The following ABI3BP variants were observed in gnomAD, a reference collection of about 807,000 sequenced individuals.
ABI3BP encodes the protein target of Nesh-SH3.
Under a neutral mutation model 268.6 loss-of-function variants are expected in ABI3BP, and 216 were observed. The ratio of observed to expected loss-of-function variants is 0.80; its 90% CI spans 0.72 to 0.90. The LOEUF is 0.90. ABI3BP is among the 40% of genes least tolerant of loss of function. The probability of loss-of-function intolerance (pLI) is 0.00; values close to 1 mark genes in which losing one functional copy is unlikely to be tolerated. For missense variants in ABI3BP, 2,090 were observed against 2,182.4 expected, an observed-to-expected ratio of 0.96 and a Z score of 0.84; for synonymous variants, 730 against 730.0, an observed-to-expected ratio of 1.00 and a Z score of 0.00.
At chr3:100,843,029 C>G (rs1463536299) in intron 20 of ABI3BP, among the ~76,000 whole-genome samples, 1 of 152,074 alleles carries the variant, frequency 6.6e-6, no homozygotes, top group Admixed American at 6.6e-5. Context: ...GGGAGTGTGG[C>G]AGGTTTTGAG....
At chr3:100,773,340 A>T (rs974159163) in intron 61 of ABI3BP, among the ~76,000 whole-genome samples, 1 of 152,222 alleles carries the variant, frequency 6.6e-6, no homozygotes, top group African/African-American at 2.4e-5. Context: ...AAAGATATAT[A>T]GATGGCAAAT....
In ABI3BP at chr3:100,823,323, C is replaced by G; in HGVS notation, c.2803+135G>C. ...GCATGACTGCTTCTCTTAAAAACAA[C>G]AGTTAAGAGTCTTATAATTTCAAGA... On this transcript the variant is annotated intron_variant, in intron 37 of 67. Transcript: ENST00000471714. 1.1e-5 allele frequency: 8 copies of G among 698,820 alleles called. No individual in the cohort carries two copies. In the South Asian group the frequency reaches 2.0e-4, roughly 18 times the overall value. 43.3% of individuals were successfully genotyped at this position (698,820 alleles called of 1,614,324 possible).
chr3:100,784,846 A>AT (rs1168265579), intron 57 of ABI3BP, among the ~76,000 whole-genome samples: 7 of 152,196 alleles, frequency 4.6e-5, no homozygotes, highest in African/African-American at 1.7e-4. Context: ...ACACAAAGGC[A>AT]TACAGAGTGA....
intron 1 of ABI3BP, among the ~76,000 whole-genome samples, chr3:100,980,745 TCA>T (rs2088945251): frequency 1.3e-5 from 2 of 152,192 alleles, no homozygotes; most frequent in Admixed American, 1.3e-4. Context: ...TGTGATCTAG[TCA>T]CCAATTACAG....
chr3:100,784,940 A>G (rs1265497561), intron 57 of ABI3BP, among the ~76,000 whole-genome samples: 1 of 152,196 alleles, frequency 6.6e-6, no homozygotes, highest in East Asian at 1.9e-4. Context: ...TACAGTGTAC[A>G]CTACTCAGGT....
rs777752364 is a variant in ABI3BP at position 100,754,643 on chromosome 3, G to C, written c.4899C>G (p.Val1633=). The change falls in exon 64 of 68, where the codon GTC becomes GTG. Residue 1633 remains valine (V), a synonymous_variant. Coordinates refer to ENST00000471714, the MANE Select transcript of ABI3BP (RefSeq NM_001375547.2). ...KPKNPLGEGP[V]SNTVAFSTES... ...CAGTACTGAATGCCACTGTGTTGCT[G>C]ACCGGGCCTTCACCAAGCGGGTTTT... 2.3e-5 allele frequency: 36 copies of C among 1,591,812 alleles called. No homozygotes were observed. The highest frequency in any genetic ancestry group is 3.1e-5 in the Non-Finnish European group (36 of 1,168,118).
intron 51 of ABI3BP, among the ~76,000 whole-genome samples, chr3:100,804,499 T>G (rs982287194): frequency 6.6e-6 from 1 of 152,196 alleles, no homozygotes; most frequent in African/African-American, 2.4e-5. Context: ...TATTTGAGCA[T>G]AGCGTAGAAT....
intron 56 of ABI3BP, among the ~76,000 whole-genome samples, chr3:100,788,997 A>G (rs1252668355): frequency 6.6e-6 from 1 of 152,116 alleles, no homozygotes; most frequent in African/African-American, 2.4e-5. Flanking sequence ...TTCCCAATAT[A>G]TAACTATTTT....
At chr3:100,768,641 T>C (rs1442687187) in intron 62 of ABI3BP, among the ~76,000 whole-genome samples, 2 of 152,252 alleles carry the variant, frequency 1.3e-5, no homozygotes, top group Non-Finnish European at 2.9e-5. Context: ...ATTTCTAGTT[T>C]ATGCGGCATA....
chr3:100,864,485 GCA>G lies in ABI3BP; in HGVS notation c.1063+346_1063+347del, dbSNP rs1462928470. On this transcript the variant is annotated intron_variant, in intron 11 of 67. Coordinates refer to ENST00000471714, the MANE Select transcript of ABI3BP (RefSeq NM_001375547.2). ...TTCCCAAAGCCACTCTAAGCAGAAA[GCA>G]CAGAGTCAAGACTTCCAGGTTTCCT... 1.6e-5 allele frequency: 5 copies of G among 319,218 alleles called. No individual in the cohort carries two copies. The East Asian group carries it at 2.5e-4, about 16-fold the overall frequency. 19.8% of individuals were successfully genotyped at this position (319,218 alleles called of 1,614,324 possible). A position where few individuals can be genotyped will look rare whatever the true frequency, so the allele number is the denominator to read the frequency against.
At position 100,776,823 on chromosome 3, in the gene ABI3BP, G is replaced by C. The variant is rs188188457; in HGVS notation, c.4333+1461C>G. ...ATGTTTACTGACAGGAGAGAACAAG[G>C]GTTTATATGGCAGGCAAGAAGGCCA... On this transcript the variant is annotated intron_variant, in intron 59 of 67. Transcript: ENST00000471714. Among the ~76,000 whole-genome samples, 228 of 152,200 alleles carry C rather than the reference G, an allele frequency of 1.5e-3. 1 individual carries two copies. Among genetic ancestry groups the C allele is most frequent in the African/African-American group, 5.3e-3 (219 of 41,518 alleles).
intron 2 of ABI3BP, among the ~76,000 whole-genome samples, chr3:100,922,547 T>TGATGGTGATGGC (rs1296926772): frequency 4.0e-5 from 6 of 149,218 alleles, no homozygotes; most frequent in African/African-American, 1.5e-4. Context: ...ATGGTGATGG[T>TGATGGTGATGGC]GATGGTGATG....
intron 56 of ABI3BP, 52 bp from the exon 57 acceptor site, chr3:100,787,854 C>A: frequency 7.6e-7 from 1 of 1,314,430 alleles, no homozygotes; most frequent in Non-Finnish European, 1.0e-6. Flanking sequence ...AAGTTTGCAG[C>A]CGAGAAAAAC....
At position 100,769,720 on chromosome 3, in the gene ABI3BP, T is replaced by TA. The variant is rs148554717; in HGVS notation, c.4741+1022dup. On this transcript the variant is annotated intron_variant, in intron 62 of 67. Coordinates refer to ENST00000471714, the MANE Select transcript of ABI3BP (RefSeq NM_001375547.2). The stretch of plus-strand genomic sequence containing the variant: ...TTGATTTTTAGATATTTGTAGTACC[T>TA]ATTAGCACAGTCCCAAGGAAAGAAG... 1.5e-4 allele frequency among the ~76,000 whole-genome samples: 23 copies of TA among 152,278 alleles called. No homozygotes were observed. The East Asian group carries it at 1.5e-3, about 10-fold the overall frequency.
intron 31 of ABI3BP, among the ~76,000 whole-genome samples, chr3:100,831,516 A>T (rs1222962290): frequency 6.6e-6 from 1 of 152,138 alleles, no homozygotes; most frequent in Non-Finnish European, 1.5e-5. Flanking sequence ...GGGTATCTTC[A>T]GTTCTAAGAA....
chr3:100,750,738 T>C (rs959428674), intron 67 of ABI3BP, 128 bp from the exon 68 acceptor site: 1 of 641,834 alleles, frequency 1.6e-6, no homozygotes, highest in Non-Finnish European at 2.6e-6. Flanking sequence ...TTTAGAAAAC[T>C]GAGAGCAAGA....
rs1296926772 is a variant in ABI3BP at position 100,922,547 on chromosome 3, TGATGGTGATGGC to T, written c.259+3743_259+3754del. On this transcript the variant is annotated intron_variant, in intron 2 of 67. Coordinates refer to ENST00000471714, the MANE Select transcript of ABI3BP (RefSeq NM_001375547.2). ...GCGATGGTGATGGTGATGGTGATGG[TGATGGTGATGGC>T]GATGGCGATGGCGATGGTGATGGTG... Among the ~76,000 whole-genome samples the T allele has an allele frequency of 8.3e-4, 124 of 149,210 alleles. 1 individual carries two copies. The highest frequency in any genetic ancestry group is 2.7e-3 in the Admixed American group (38 of 14,158).
intron 6 of ABI3BP, among the ~76,000 whole-genome samples, chr3:100,877,025 C>G (rs1179439789): frequency 6.6e-6 from 1 of 152,100 alleles, no homozygotes; most frequent in South Asian, 2.1e-4. Context: ...GTACATCCAT[C>G]TGCCTCTACT....
chr3:100,956,637 C>G (rs1028845229), intron 1 of ABI3BP, among the ~76,000 whole-genome samples: 1 of 152,120 alleles, frequency 6.6e-6, no homozygotes, highest in East Asian at 1.9e-4. Context: ...ACAATCAAGC[C>G]TAACCTAACG....
Sources: gnomAD v4.1 joint callset for allele counts (sites outside exome capture counted in the v4.1 genomes callset) on GRCh38, gnomAD v4.1.1 for gene constraint, MANE v1.5 for transcripts, NCBI Gene and HGNC (gene_info 2026-07-23, HGNC 2026-07-21) for gene names.